EPC2: variants seen among roughly 807,000 people sequenced by gnomAD.
EPC2 encodes enhancer of polycomb homolog 2.
In EPC2, 14 loss-of-function variants were observed where a neutral mutation model predicts 92.1. That is an observed-to-expected ratio of 0.15 (90% confidence interval 0.10 to 0.24). The LOEUF (loss-of-function observed/expected upper bound fraction) is 0.24. Among genes scored for constraint, EPC2 ranks in the 10% least tolerant of loss-of-function variants. The probability of loss-of-function intolerance (pLI) is 1.00; values close to 1 mark genes in which losing one functional copy is unlikely to be tolerated. For missense variants in EPC2, 755 were observed against 971.5 expected, an observed-to-expected ratio of 0.78 and a Z score of 2.96; for synonymous variants, 340 against 334.7, an observed-to-expected ratio of 1.02 and a Z score of -0.17.
intron 3 of EPC2, among the ~76,000 whole-genome samples, chr2:148,752,640 A>G (rs1160974115): frequency 3.9e-5 from 6 of 152,192 alleles, no homozygotes; most frequent in South Asian, 2.1e-4. Flanking sequence ...ATGGACTACA[A>G]TACTTGAGTT....
chr2:148,735,018 C>T (rs185439562), intron 2 of EPC2, among the ~76,000 whole-genome samples: 4 of 151,638 alleles, frequency 2.6e-5, no homozygotes, highest in Non-Finnish European at 2.9e-5. Context: ...ACATAGTTTC[C>T]GTTTCATAAA....
chr2:148,690,423 C>T (rs909525608), intron 2 of EPC2, 50 bp downstream of exon 2: 1 of 1,467,386 alleles, frequency 6.8e-7, no homozygotes. Flanking sequence ...ATTTATCAAC[C>T]AGTGGAAATC....
rs186948916 is a variant in EPC2 at position 148,716,130 on chromosome 2, G to A, written c.313+25757G>A. 3.9e-5 allele frequency among the ~76,000 whole-genome samples: 6 copies of A among 152,266 alleles called. No individual in the cohort carries two copies. The East Asian group carries it at 5.8e-4, about 15-fold the overall frequency. The stretch of plus-strand genomic sequence containing the variant: ...GCTTAAGAAGCTTTTGGGCTGAGAC[G>A]ATGGGGTTTTCTAGAAATAGGATCA... On this transcript the variant is annotated intron_variant, in intron 2 of 13. Transcript: ENST00000258484.
intron 2 of EPC2, among the ~76,000 whole-genome samples, chr2:148,711,004 G>C (rs1042109534): frequency 3.3e-5 from 5 of 152,112 alleles, no homozygotes; most frequent in Non-Finnish European, 5.9e-5. Flanking sequence ...TTTAGCCTGG[G>C]TAGAGGCTTA....
At chr2:148,770,589 A>G in intron 8 of EPC2, among the ~76,000 whole-genome samples, 1 of 152,206 alleles carries the variant, frequency 6.6e-6, no homozygotes, top group South Asian at 2.1e-4. Context: ...AGTTTTGGTA[A>G]TCTTGGTGAG....
chr2:148,695,757 T>C (rs1284030548), intron 2 of EPC2, among the ~76,000 whole-genome samples: 1 of 152,210 alleles, frequency 6.6e-6, no homozygotes, highest in Non-Finnish European at 1.5e-5. Flanking sequence ...AACATCATTT[T>C]CTTGTAAAAA....
intron 3 of EPC2, among the ~76,000 whole-genome samples, chr2:148,753,533 T>C (rs999241799): frequency 2.0e-5 from 3 of 152,178 alleles, no homozygotes; most frequent in Non-Finnish European, 2.9e-5. Flanking sequence ...CCTCCTACTT[T>C]GTGTAGGGGA....
At chr2:148,727,642 A>G (rs1682524703) in intron 2 of EPC2, among the ~76,000 whole-genome samples, 1 of 152,230 alleles carries the variant, frequency 6.6e-6, no homozygotes, top group South Asian at 2.1e-4. Flanking sequence ...GCCTGAACAC[A>G]GATGTCTGAA....
Position 148,690,386 on chromosome 2 carries a change from A to G in EPC2, c.313+13A>G, listed in dbSNP as rs373243658. 3.8e-6 allele frequency: 6 copies of G among 1,564,654 alleles called. No homozygotes were observed. The highest frequency in any genetic ancestry group is 2.3e-5 in the East Asian group (1 of 43,982). On this transcript the variant is annotated intron_variant, in intron 2 of 13. Coordinates refer to ENST00000258484, the MANE Select transcript of EPC2 (RefSeq NM_015630.4). ...ATTCATATTCAGCGTAAGTTTGTTA[A>G]TTCATTGTTTTCTGTTTGTACTTTA...
Position 148,786,458 on chromosome 2 carries a change from G to GA in EPC2, c.*81_*82insA. The GA allele has an allele frequency of 9.1e-7, 1 of 1,095,706 alleles. No homozygotes were observed. Among genetic ancestry groups the GA allele is most frequent in the Non-Finnish European group, 1.4e-6 (1 of 732,484 alleles). 67.9% of individuals were successfully genotyped at this position (1,095,706 alleles called of 1,614,324 possible). ...CTGAATGCAAAAGGCAACACTCTGT[G>GA]GATCACAGAGTGTAACAATGGACCT... is the stretch of plus-strand genomic sequence containing the variant. On this transcript the variant is annotated 3_prime_UTR_variant, in exon 14 of 14. Transcript: ENST00000258484.
At chr2:148,764,897 T>G in intron 6 of EPC2, 58 bp from the exon 7 acceptor site, 1 of 1,269,476 alleles carries the variant, frequency 7.9e-7, no homozygotes, top group Non-Finnish European at 1.0e-6. Context: ...TAGTTTTTCA[T>G]GATTTCTAAA....
Position 148,669,390 on chromosome 2 carries a change from G to T in EPC2, c.154-20824G>T, listed in dbSNP as rs370061040. 9.2e-5 allele frequency among the ~76,000 whole-genome samples: 14 copies of T among 152,086 alleles called. No homozygotes were observed. The East Asian group carries it at 2.5e-3, about 27-fold the overall frequency. On this transcript the variant is annotated intron_variant, in intron 1 of 13. Coordinates refer to ENST00000258484, the MANE Select transcript of EPC2 (RefSeq NM_015630.4). ...GTTCTGGGATGCGGTTAAGTTACTT[G>T]TAAAGGCTGGGCACAGTGGTTCACA...
intron 1 of EPC2, chr2:148,645,382 AT>A: frequency 4.0e-6 from 2 of 501,688 alleles, no homozygotes; most frequent in Admixed American, 7.7e-5. Context: ...CAGTGTTGTG[AT>A]TAGCTCGCAG....
At position 148,786,478 on chromosome 2, in the gene EPC2, G is replaced by C; in HGVS notation, c.*101G>C. On this transcript the variant is annotated 3_prime_UTR_variant, in exon 14 of 14. Transcript: ENST00000258484. ...TCTGTGGATCACAGAGTGTAACAAT[G>C]GACCTAAATGGACTATAGTATATTG... 1 of 846,990 alleles carries C rather than the reference G, an allele frequency of 1.2e-6. No individual in the cohort carries two copies. Among genetic ancestry groups the C allele is most frequent in the East Asian group, 2.7e-5 (1 of 37,110 alleles). 52.5% of individuals were successfully genotyped at this position (846,990 alleles called of 1,614,324 possible).
chr2:148,765,630 C>A (rs1191270699), intron 7 of EPC2, among the ~76,000 whole-genome samples: 1 of 152,142 alleles, frequency 6.6e-6, no homozygotes, highest in Non-Finnish European at 1.5e-5. Flanking sequence ...CTTAAAGGAA[C>A]TGATTCAAGT....
chr2:148,772,965 C>T (rs1412986768), intron 10 of EPC2, among the ~76,000 whole-genome samples: 1 of 151,968 alleles, frequency 6.6e-6, no homozygotes, highest in East Asian at 1.9e-4. Flanking sequence ...TACATTTGAC[C>T]ATAGGCTGAT....
At chr2:148,764,816 A>G in intron 6 of EPC2, 139 bp from the exon 7 acceptor site, 1 of 542,804 alleles carries the variant, frequency 1.8e-6, no homozygotes, top group Non-Finnish European at 3.0e-6. Context: ...ATGAACACAG[A>G]ATAATTTTTG....
chr2:148,766,386 A>G (rs1444637321), intron 7 of EPC2, among the ~76,000 whole-genome samples: 9 of 152,226 alleles, frequency 5.9e-5, no homozygotes. Flanking sequence ...CTACCCAGAT[A>G]ATATTCTGAT....
Position 148,663,592 on chromosome 2 carries a change from A to AT in EPC2, c.153+18450dup, listed in dbSNP as rs56911412. Reference sequence around the variant, plus strand: ...TTCCAGTTTTACTATATAGATTAAGATTTTTTTTTTTTTTTTTTTTTTTTT... The same window carrying AT: ...TTCCAGTTTTACTATATAGATTAAGATTTTTTTTTTTTTTTTTTTTTTTTTT... On this transcript the variant is annotated intron_variant, in intron 1 of 13. Coordinates refer to ENST00000258484, the MANE Select transcript of EPC2 (RefSeq NM_015630.4). Among the ~76,000 whole-genome samples, 391 of 74,372 alleles carry AT rather than the reference A, an allele frequency of 5.3e-3. 59 individuals are homozygous for AT. Among genetic ancestry groups the AT allele is most frequent in the African/African-American group, 0.02 (352 of 17,852 alleles). 48.8% of individuals were successfully genotyped at this position (74,372 alleles called of 152,430 possible).
Sources: gnomAD v4.1 joint callset for allele counts (sites outside exome capture counted in the v4.1 genomes callset) on GRCh38, gnomAD v4.1.1 for gene constraint, MANE v1.5 for transcripts, NCBI Gene and HGNC (gene_info 2026-07-23, HGNC 2026-07-21) for gene names.